The following QTMAN variants were observed in gnomAD, a reference collection of about 807,000 sequenced individuals.
The protein encoded by QTMAN is queuosine-tRNA mannosyltransferase.
chr2:143,945,578 C>A, the QTMAN span: 1 of 152,226 alleles, frequency 6.6e-6, no homozygotes, highest in East Asian at 1.9e-4. Context: ...ATTTTGCTAC[C>A]GGTCAAATGG....
chr2:144,107,154 G>C, the QTMAN span, among the ~76,000 whole-genome samples: 1 of 152,076 alleles, frequency 6.6e-6, no homozygotes. Flanking sequence ...AGAGAAAGCA[G>C]GAAAGATCTA....
the QTMAN span, among the ~76,000 whole-genome samples, chr2:144,222,220 C>T: frequency 4.0e-5 from 6 of 151,764 alleles, no homozygotes; most frequent in East Asian, 2.0e-4. Context: ...CCACCACGCC[C>T]GGCTAATTTT....
At chr2:144,160,449 G>A in the QTMAN span, among the ~76,000 whole-genome samples, 1 of 152,098 alleles carries the variant, frequency 6.6e-6, no homozygotes, top group African/African-American at 2.4e-5. Flanking sequence ...GAAAACTGAG[G>A]CTCAGAAAGG....
chr2:144,179,105 CT>C, the QTMAN span: 1 of 338,448 alleles, frequency 3.0e-6, no homozygotes, highest in Non-Finnish European at 5.8e-6. Context: ...TTACCCTCAA[CT>C]AGAATTGAGT....
At chr2:144,121,266 T>C in the QTMAN span, among the ~76,000 whole-genome samples, 1 of 152,256 alleles carries the variant, frequency 6.6e-6, no homozygotes, top group South Asian at 2.1e-4. Context: ...CCTCGCACAG[T>C]ATGCAGTTTA....
the QTMAN span, among the ~76,000 whole-genome samples, chr2:144,105,414 C>G: frequency 6.6e-6 from 1 of 152,132 alleles, no homozygotes; most frequent in African/African-American, 2.4e-5. Context: ...CTTAAATGAC[C>G]TGATGCAGCT....
the QTMAN span, among the ~76,000 whole-genome samples, chr2:144,324,358 C>T: frequency 1.3e-5 from 2 of 152,070 alleles, no homozygotes; most frequent in African/African-American, 2.4e-5. Context: ...AAATGATATG[C>T]TCTAGATAGT....
chr2:144,200,595 T>C, the QTMAN span, among the ~76,000 whole-genome samples: 1 of 152,240 alleles, frequency 6.6e-6, no homozygotes, highest in Non-Finnish European at 1.5e-5. Flanking sequence ...CATTCAAAGC[T>C]GTCCTGGGCC....
the QTMAN span, among the ~76,000 whole-genome samples, chr2:144,169,595 T>C: frequency 3.3e-5 from 5 of 152,290 alleles, no homozygotes; most frequent in East Asian, 9.6e-4. Flanking sequence ...GGATTTTCCT[T>C]ACATTAGAAT....
At chr2:144,326,809 A>G in the QTMAN span, among the ~76,000 whole-genome samples, 26 of 152,276 alleles carry the variant, frequency 1.7e-4, no homozygotes, top group East Asian at 3.5e-3. Context: ...TTCAGTTCCA[A>G]CCCTGGGGTA....
chr2:144,298,023 T>C, the QTMAN span, among the ~76,000 whole-genome samples: 5 of 135,624 alleles, frequency 3.7e-5, no homozygotes, highest in Admixed American at 7.4e-5. Flanking sequence ...AATATTTTAA[T>C]TTTTTTTTTT....
At chr2:143,990,207 T>C in the QTMAN span, among the ~76,000 whole-genome samples, 2 of 152,120 alleles carry the variant, frequency 1.3e-5, no homozygotes, top group African/African-American at 4.8e-5. Context: ...TTGTTCAGGA[T>C]GTTTTTTAAA....
chr2:144,021,166 T>A, the QTMAN span, among the ~76,000 whole-genome samples: 12 of 152,094 alleles, frequency 7.9e-5, no homozygotes, highest in Non-Finnish European at 1.8e-4. Context: ...CCAAGTAGAA[T>A]CATTATAGAA....
At chr2:143,954,959 A>G in the QTMAN span, among the ~76,000 whole-genome samples, 2 of 152,178 alleles carry the variant, frequency 1.3e-5, no homozygotes, top group African/African-American at 2.4e-5. Flanking sequence ...AATTCATACA[A>G]TTTATCTGCA....
the QTMAN span, chr2:143,943,949 G>A: frequency 6.6e-6 from 1 of 152,134 alleles, no homozygotes; most frequent in Admixed American, 6.5e-5. Flanking sequence ...TCAAGACACT[G>A]TGTCAAAGTC....
the QTMAN span, among the ~76,000 whole-genome samples, chr2:144,237,049 A>G: frequency 6.6e-6 from 1 of 152,190 alleles, no homozygotes; most frequent in Non-Finnish European, 1.5e-5. Flanking sequence ...TTTACCACGC[A>G]CTGCACTCAG....
the QTMAN span, among the ~76,000 whole-genome samples, chr2:144,221,918 A>C: frequency 6.6e-6 from 1 of 152,362 alleles, no homozygotes; most frequent in East Asian, 1.9e-4. Flanking sequence ...TTGTTTATTA[A>C]ATAGTTGTAA....
At chr2:144,285,730 T>C in the QTMAN span, among the ~76,000 whole-genome samples, 1 of 152,214 alleles carries the variant, frequency 6.6e-6, no homozygotes, top group Non-Finnish European at 1.5e-5. Context: ...TATTTTAATC[T>C]GTCTCCTACT....
chr2:144,285,817 A>C, the QTMAN span, among the ~76,000 whole-genome samples: 1 of 152,216 alleles, frequency 6.6e-6, no homozygotes, highest in South Asian at 2.1e-4. Flanking sequence ...GAATATAGAT[A>C]ATCAGGTAAA....
Sources: allele counts gnomAD v4.1 joint callset (sites outside exome capture counted in the v4.1 genomes callset), GRCh38; gene constraint gnomAD v4.1.1; transcripts MANE v1.5; gene names NCBI Gene and HGNC (gene_info 2026-07-23, HGNC 2026-07-21).